EXD3: variants seen among roughly 807,000 people sequenced by gnomAD.
EXD3 encodes the protein exonuclease 3'-5' domain containing 3.
In EXD3, 92 loss-of-function variants were observed where a neutral mutation model predicts 98.0. The ratio of observed to expected loss-of-function variants is 0.94; its 90% CI spans 0.79 to 1.12. The LOEUF (loss-of-function observed/expected upper bound fraction) is 1.12, where lower values mean the gene tolerates loss of function less well. Ranked by LOEUF, EXD3 falls within the 50% of genes most tolerant of loss-of-function variation. The pLI, the probability that EXD3 is intolerant of heterozygous loss-of-function variation, is 0.00. For missense variants in EXD3, 1,222 were observed against 1,191.6 expected (o/e 1.03, Z -0.38); for synonymous variants, 569 against 526.0 (o/e 1.08, Z -1.12).
At chr9:137,420,737 A>ATCC (rs1554743328) in intron 1 of EXD3, among the ~76,000 whole-genome samples, 1 of 112,466 alleles carries the variant, frequency 8.9e-6, no homozygotes, top group Non-Finnish European at 1.9e-5. Context: ...ACAGACATTC[A>ATCC]CCCCCCCCCC....
chr9:137,328,591 A>AG (rs201501516), intron 17 of EXD3, among the ~76,000 whole-genome samples: 4 of 19,194 alleles, frequency 2.1e-4, no homozygotes, highest in East Asian at 5.0e-3. Flanking sequence ...GCTACACGGG[A>AG]CTACACGGGA....
intron 19 of EXD3, among the ~76,000 whole-genome samples, chr9:137,321,367 A>AG (rs1832022914): frequency 1.3e-5 from 2 of 152,156 alleles, no homozygotes; most frequent in Non-Finnish European, 2.9e-5. Context: ...TCCCTCCATG[A>AG]GGGGGTCCCA....
chr9:137,387,699 G>A (rs1033126151), intron 2 of EXD3, among the ~76,000 whole-genome samples: 3 of 152,174 alleles, frequency 2.0e-5, no homozygotes, highest in African/African-American at 7.2e-5. Context: ...CGAGAAGGGC[G>A]GGTGGGGCTT....
intron 17 of EXD3, among the ~76,000 whole-genome samples, chr9:137,345,407 A>C (rs1833865817): frequency 6.6e-6 from 1 of 152,228 alleles, no homozygotes. Flanking sequence ...CACGCCTGTA[A>C]TCTCAGCACT....
At chr9:137,374,028 C>G (rs1302786425) in intron 3 of EXD3, among the ~76,000 whole-genome samples, 3 of 152,256 alleles carry the variant, frequency 2.0e-5, no homozygotes, top group African/African-American at 7.2e-5. Flanking sequence ...TATCCCTGAC[C>G]CGCAGGAGAT....
rs548942662 is a variant in EXD3, at chr9:137,377,162, C to G, written c.121-3563G>C. On this transcript the variant is annotated intron_variant, in intron 3 of 21. Transcript: ENST00000340951. ...AGTCGGTGGGCAAATGCAGGAACAA[C>G]GCATCAGCCAGGCGCAGTGGCCACG... 2.6e-5 allele frequency: 4 copies of G among 152,228 alleles called. No individual in the cohort carries two copies. The South Asian group carries it at 8.3e-4, about 32-fold the overall frequency. 9.4% of individuals were successfully genotyped at this position (152,228 alleles called of 1,614,324 possible). A position where few individuals can be genotyped will look rare whatever the true frequency, so the allele number is the denominator to read the frequency against.
intron 3 of EXD3, among the ~76,000 whole-genome samples, chr9:137,382,584 A>G: frequency 6.6e-6 from 1 of 152,166 alleles, no homozygotes; most frequent in East Asian, 1.9e-4. Context: ...GACAAACGAA[A>G]GCTGGCAGAG....
chr9:137,411,621 C>T (rs949225415), intron 1 of EXD3, among the ~76,000 whole-genome samples: 7 of 151,262 alleles, frequency 4.6e-5, no homozygotes, highest in Admixed American at 2.6e-4. Flanking sequence ...CAGCGGCGGC[C>T]GTCAGTCTCT....
chr9:137,403,087 C>G lies in EXD3; in HGVS notation c.-47-7683G>C, dbSNP rs139590792. Among the ~76,000 whole-genome samples, 46 of 152,258 alleles carry G rather than the reference C, an allele frequency of 3.0e-4. No individual in the cohort carries two copies. The highest frequency in any genetic ancestry group is 1.1e-3 in the African/African-American group (46 of 41,550). On this transcript the variant is annotated intron_variant, in intron 1 of 21. Coordinates refer to ENST00000340951, the MANE Select transcript of EXD3 (RefSeq NM_017820.5). The surrounding 1 kb of genome is among the most constrained non-coding windows in gnomAD (Gnocchi z 6.1). ...GTGAGGACACAGCCAAAGCATATCA[C>G]CCGCCACGGGAGACCCTGTGGCTCG...
chr9:137,310,467 G>A (rs1831300520), intron 19 of EXD3, among the ~76,000 whole-genome samples: 2 of 152,196 alleles, frequency 1.3e-5, no homozygotes, highest in African/African-American at 2.4e-5. Context: ...GGGCTCAAGT[G>A]ATCTTTCCAT....
At chr9:137,372,651 G>T (rs117705584) in intron 5 of EXD3, among the ~76,000 whole-genome samples, 1 of 152,218 alleles carries the variant, frequency 6.6e-6, no homozygotes, top group Non-Finnish European at 1.5e-5. Flanking sequence ...GAGACACAGG[G>T]TCGGCAGGGG....
In EXD3 at chr9:137,390,345, T is replaced by G. The variant is rs1445019225; in HGVS notation, c.55+4958A>C. 2.0e-5 allele frequency among the ~76,000 whole-genome samples: 3 copies of G among 148,444 alleles called. No individual in the cohort carries two copies. The East Asian group carries it at 5.9e-4, about 29-fold the overall frequency. On this transcript the variant is annotated intron_variant, in intron 2 of 21. Coordinates refer to ENST00000340951, the MANE Select transcript of EXD3 (RefSeq NM_017820.5). Reference sequence around the variant, plus strand: ...TACTCGGGAGGCTGAGGCAGGAGAATGGCGTGAACCCGGGAGGCGGAGGTT... The same window carrying G: ...TACTCGGGAGGCTGAGGCAGGAGAAGGGCGTGAACCCGGGAGGCGGAGGTT...
At chr9:137,416,191 G>C (rs913837753) in intron 1 of EXD3, among the ~76,000 whole-genome samples, 25 of 152,296 alleles carry the variant, frequency 1.6e-4, no homozygotes, top group African/African-American at 6.0e-4. Context: ...TCGCTCTTCT[G>C]CAGTGCCTGA....
intron 1 of EXD3, among the ~76,000 whole-genome samples, chr9:137,396,984 T>G (rs1237709682): frequency 1.3e-5 from 2 of 152,136 alleles, no homozygotes; most frequent in Non-Finnish European, 2.9e-5. Flanking sequence ...AGGGGGCCAC[T>G]GGGGGACACA....
chr9:137,308,684 T>C lies in EXD3; in HGVS notation c.2278+923A>G, dbSNP rs143484730. On this transcript the variant is annotated intron_variant, in intron 20 of 21. Coordinates refer to ENST00000340951, the MANE Select transcript of EXD3 (RefSeq NM_017820.5). ...CGGAGTCTCACTCTGTCCCCAAGGC[T>C]GGAGTGCAGTGGTGTGATCTCGGCT... Among the ~76,000 whole-genome samples, 120 of 149,720 alleles carry C rather than the reference T, an allele frequency of 8.0e-4. 4 individuals carry two copies. The East Asian group carries it at 0.023, about 28-fold the overall frequency.
chr9:137,331,350 A>C (rs1180365667), intron 17 of EXD3, among the ~76,000 whole-genome samples: 3 of 152,068 alleles, frequency 2.0e-5, no homozygotes, highest in African/African-American at 4.8e-5. Context: ...CAACAAGACA[A>C]GGATGCCCTC....
chr9:137,315,098 C>T (rs994377414), intron 19 of EXD3, among the ~76,000 whole-genome samples: 1 of 152,188 alleles, frequency 6.6e-6, no homozygotes, highest in African/African-American at 2.4e-5. Flanking sequence ...CCCTGCCTGG[C>T]CCACCAGGCT....
Position 137,307,268 on chromosome 9 carries a change from A to G in EXD3, c.2318-5T>C. On this transcript the variant is annotated splice_polypyrimidine_tract_variant and splice_region_variant and intron_variant, in intron 21 of 21. Coordinates refer to ENST00000340951, the MANE Select transcript of EXD3 (RefSeq NM_017820.5). ...GGGCTGCGTCTGGGGCTGGGCCTGGACAGATAGAAGTGGACTCCCTGAGCC... is the reference window on the plus strand; with the variant it reads ...GGGCTGCGTCTGGGGCTGGGCCTGGGCAGATAGAAGTGGACTCCCTGAGCC... 6.6e-7 allele frequency: 1 copy of G among 1,504,860 alleles called. No individual in the cohort carries two copies. The highest frequency in any genetic ancestry group is 8.9e-7 in the Non-Finnish European group (1 of 1,129,864). 93.2% of individuals were successfully genotyped at this position (1,504,860 alleles called of 1,614,324 possible). A position where few individuals can be genotyped will look rare whatever the true frequency, so the allele number is the denominator to read the frequency against.
At chr9:137,420,743 C>CCCA (rs1554743361) in intron 1 of EXD3, among the ~76,000 whole-genome samples, 33 of 147,652 alleles carry the variant, frequency 2.2e-4, no homozygotes, top group East Asian at 1.6e-3. Context: ...ATTCACCCCC[C>CCCA]CCCCCAAATT....
Sources: allele counts gnomAD v4.1 joint callset (sites outside exome capture counted in the v4.1 genomes callset), GRCh38; gene constraint gnomAD v4.1.1; non-coding constraint Gnocchi (gnomAD v3.1); transcripts MANE v1.5; gene names NCBI Gene and HGNC (gene_info 2026-07-23, HGNC 2026-07-21).